The following UBE2D3 variants were observed in gnomAD, a reference collection of about 807,000 sequenced individuals.
UBE2D3 encodes the protein ubiquitin-conjugating enzyme E2 D3.
UBE2D3 carries 2 observed loss-of-function variants against 22.8 expected under a neutral mutation model. The observed-to-expected ratio is 0.09, with a 90% CI of 0.04 to 0.28. The LOEUF is 0.28. UBE2D3 is among the 10% of genes least tolerant of loss of function. UBE2D3 has a pLI of 1.00. For missense variants in UBE2D3, 27 were observed against 182.5 expected, an observed-to-expected ratio of 0.15 and a Z score of 4.91; for synonymous variants, 56 against 60.4, an observed-to-expected ratio of 0.93 and a Z score of 0.34.
intron 1 of UBE2D3, among the ~76,000 whole-genome samples, chr4:102,848,762 T>C (rs1216831251): frequency 6.6e-6 from 1 of 151,868 alleles, no homozygotes; most frequent in African/African-American, 2.4e-5. Flanking sequence ...GAGGCTGCAG[T>C]GAGCTATGGT....
At chr4:102,860,683 CTTTTA>C (rs1195832388) in intron 1 of UBE2D3, among the ~76,000 whole-genome samples, 1 of 151,840 alleles carries the variant, frequency 6.6e-6, no homozygotes, top group East Asian at 1.9e-4. Flanking sequence ...TGAGAACCTC[CTTTTA>C]TTTTCTCTAG....
At chr4:102,860,404 GGT>G (rs540255423) in intron 1 of UBE2D3, among the ~76,000 whole-genome samples, 7 of 122,764 alleles carry the variant, frequency 5.7e-5, no homozygotes, top group East Asian at 2.3e-4. Flanking sequence ...ATGTTTTCCT[GGT>G]GTGTGTGTGT....
intron 5 of UBE2D3, 91 bp from the exon 6 acceptor site, chr4:102,801,650 T>G: frequency 9.4e-7 from 1 of 1,063,946 alleles, no homozygotes; most frequent in Non-Finnish European, 1.4e-6. Flanking sequence ...ATGTTAAAAA[T>G]GTCATCTATT....
At chr4:102,848,790 T>C (rs1732177792) in intron 1 of UBE2D3, among the ~76,000 whole-genome samples, 2 of 150,788 alleles carry the variant, frequency 1.3e-5, no homozygotes, top group Non-Finnish European at 3.0e-5. Flanking sequence ...CTGCACTCCA[T>C]TCTGGGCAAT....
intron 7 of UBE2D3, chr4:102,798,910 G>C: frequency 6.2e-7 from 1 of 1,610,578 alleles, no homozygotes; most frequent in Non-Finnish European, 8.5e-7. Context: ...GCGCACCATA[G>C]AGTGCAGATC....
At position 102,834,236 on chromosome 4, in the gene UBE2D3, T is replaced by C. The variant is rs12651166; in HGVS notation, c.-128-7600A>G. 1.7e-3 allele frequency among the ~76,000 whole-genome samples: 259 copies of C among 152,364 alleles called. 6 individuals carry two copies. The East Asian group carries it at 0.042, about 25-fold the overall frequency. The stretch of plus-strand genomic sequence containing the variant: ...GTTTCACAAGATTCAACTTTTCTTA[T>C]ACTTTTGTTCCTAAAACAGATACAC... On this transcript the variant is annotated intron_variant, in intron 1 of 7. Transcript: ENST00000338145.
intron 1 of UBE2D3, among the ~76,000 whole-genome samples, chr4:102,847,499 C>A (rs995068323): frequency 6.6e-6 from 1 of 151,682 alleles, no homozygotes; most frequent in Non-Finnish European, 1.5e-5. Flanking sequence ...GTTAGTCAGG[C>A]TGGTCTTGAA....
At chr4:102,811,736 A>G in intron 2 of UBE2D3, 1 of 436,896 alleles carries the variant, frequency 2.3e-6, no homozygotes. Flanking sequence ...AAGTACTAGA[A>G]AGCAAAAGAA....
chr4:102,866,683 C>A (rs76084986), intron 1 of UBE2D3, among the ~76,000 whole-genome samples: 1,841 of 152,274 alleles, frequency 0.012, 39 homozygotes, highest in African/African-American at 0.042. Context: ...TAAAAAAATT[C>A]TTTCCTTTTC....
intron 4 of UBE2D3, among the ~76,000 whole-genome samples, chr4:102,803,721 T>C (rs1020347281): frequency 6.6e-6 from 1 of 152,196 alleles, no homozygotes; most frequent in African/African-American, 2.4e-5. Context: ...GAAAGGTCAA[T>C]TTATTAATGA....
intron 1 of UBE2D3, among the ~76,000 whole-genome samples, chr4:102,858,516 A>T (rs1054778357): frequency 6.6e-6 from 1 of 151,860 alleles, no homozygotes; most frequent in Non-Finnish European, 1.5e-5. Flanking sequence ...CATCTCTAGG[A>T]GTATCAAATG....
intron 2 of UBE2D3, chr4:102,825,206 T>G (rs1309718054): frequency 2.9e-5 from 28 of 980,134 alleles, no homozygotes; most frequent in Non-Finnish European, 3.3e-5. Flanking sequence ...TTTAAAAAAG[T>G]AATCTATTAA....
intron 1 of UBE2D3, among the ~76,000 whole-genome samples, chr4:102,847,617 G>GTTTT (rs927314840): frequency 2.0e-5 from 3 of 151,474 alleles, no homozygotes; most frequent in African/African-American, 7.3e-5. Context: ...TAGTTTTTAT[G>GTTTT]TTTTTCTTTT....
chr4:102,851,594 A>G (rs1237075038), intron 1 of UBE2D3, among the ~76,000 whole-genome samples: 1 of 152,040 alleles, frequency 6.6e-6, no homozygotes, highest in Admixed American at 6.6e-5. Context: ...AGAGAATACA[A>G]TTATTTCCCA....
chr4:102,836,040 C>T (rs1203486853), intron 1 of UBE2D3, among the ~76,000 whole-genome samples: 1 of 151,614 alleles, frequency 6.6e-6, no homozygotes, highest in East Asian at 1.9e-4. Context: ...ATATTGTTGT[C>T]TCTCAGTAGT....
Position 102,826,645 on chromosome 4 carries a change from A to G in UBE2D3, c.-128-9T>C, listed in dbSNP as rs1730549087. 2 of 1,565,910 alleles carry G rather than the reference A, an allele frequency of 1.3e-6. No individual in the cohort carries two copies. The highest frequency in any genetic ancestry group is 8.6e-7 in the Non-Finnish European group (1 of 1,165,550). On this transcript the variant is annotated splice_polypyrimidine_tract_variant and intron_variant, in intron 1 of 7. Transcript: ENST00000453744. ...CTGCCAGACACAGGCGCCTTTTGCAAAAACGGAGCAGATCAGCACTCGCAC... is the reference window on the plus strand; with the variant it reads ...CTGCCAGACACAGGCGCCTTTTGCAGAAACGGAGCAGATCAGCACTCGCAC...
chr4:102,853,379 AC>A (rs1732472624), intron 1 of UBE2D3, among the ~76,000 whole-genome samples: 1 of 152,082 alleles, frequency 6.6e-6, no homozygotes, highest in South Asian at 2.1e-4. Context: ...AAAATTATGT[AC>A]ATTATTATTC....
chr4:102,826,651 GAGC>G lies in UBE2D3; in HGVS notation c.-128-18_-128-16del, dbSNP rs1730550475. 5.1e-6 allele frequency: 8 copies of G among 1,558,164 alleles called. No homozygotes were observed. In the Admixed American group the frequency reaches 5.8e-5, roughly 11 times the overall value. On this transcript the variant is annotated splice_polypyrimidine_tract_variant and intron_variant, in intron 1 of 7. Transcript: ENST00000453744. ...GACACAGGCGCCTTTTGCAAAAACG[GAGC>G]AGATCAGCACTCGCACAGGCCCCGA...
chr4:102,826,970 G>C, intron 1 of UBE2D3: 3 of 999,108 alleles, frequency 3.0e-6, no homozygotes, highest in South Asian at 8.7e-5. Flanking sequence ...GCGTCACTAG[G>C]GCAAAGAAAG....
Sources: gnomAD v4.1 joint callset for allele counts (sites outside exome capture counted in the v4.1 genomes callset) on GRCh38, gnomAD v4.1.1 for gene constraint, MANE v1.5 for transcripts, NCBI Gene and HGNC (gene_info 2026-07-23, HGNC 2026-07-21) for gene names.